The following BMP1 variants were observed in gnomAD, a reference collection of about 807,000 sequenced individuals.
BMP1 encodes the protein bone morphogenetic protein 1.
BMP1 carries 63 observed loss-of-function variants against 116.8 expected under a neutral mutation model. The observed-to-expected ratio is 0.54, with a 90% CI of 0.44 to 0.67. The LOEUF is 0.67. Among genes scored for constraint, BMP1 ranks in the 30% least tolerant of loss-of-function variants. BMP1 has a pLI of 0.00. For synonymous variants in BMP1, 536 were observed against 533.4 expected, an observed-to-expected ratio of 1.00 and a Z score of -0.07; for missense variants, 1,183 against 1,358.9, an observed-to-expected ratio of 0.87 and a Z score of 2.04.
chr8:22,172,581 T>C (rs1482689230), intron 1 of BMP1, among the ~76,000 whole-genome samples: 1 of 150,408 alleles, frequency 6.6e-6, no homozygotes, highest in Non-Finnish European at 1.5e-5. Context: ...TCTGTTCTAA[T>C]GAAAAATGGT....
chr8:22,176,888 G>T, intron 4 of BMP1, 73 bp from the exon 5 acceptor site: 1 of 1,230,734 alleles, frequency 8.1e-7, no homozygotes, highest in Non-Finnish European at 1.1e-6. Flanking sequence ...GCCCCCGGCA[G>T]CCTGGCCCCG....
At chr8:22,196,654 C>T (rs371342006) in intron 13 of BMP1, 26 bp from the exon 14 acceptor site, 169 of 1,613,350 alleles carry the variant, frequency 1.0e-4, no homozygotes, top group Non-Finnish European at 1.4e-4. Context: ...TCCCCGCAGA[C>T]GATGCCACCT....
rs775295740 is a variant in BMP1 at position 22,209,664 on chromosome 8, C to T, written c.2795C>T (p.Ala932Val). The T allele has an allele frequency of 6.2e-7, 1 of 1,613,972 alleles. No individual in the cohort carries two copies. The highest frequency in any genetic ancestry group is 2.2e-5 in the East Asian group (1 of 44,844). ...CTCTTCGACGGCTACGACAGCACAG[C>T]CCCCAGGCTGGGGCGCTACTGTGGC... ...MELFDGYDST[A>V]PRLGRYCGSG... Residue 932 changes from alanine (A) to valine (V), a missense_variant, in exon 19 of 20, where the codon GCC becomes GTC. Transcript: ENST00000306385.
At chr8:22,187,638 C>A (rs561382107) in intron 8 of BMP1, among the ~76,000 whole-genome samples, 1 of 151,600 alleles carries the variant, frequency 6.6e-6, no homozygotes, top group Non-Finnish European at 1.5e-5. Context: ...TGTGAGCCAC[C>A]GTGCCCGGCC....
chr8:22,169,777 G>A (rs997806264), intron 1 of BMP1: 1 of 152,188 alleles, frequency 6.6e-6, no homozygotes, highest in African/African-American at 2.4e-5. Context: ...CCATGCCCTG[G>A]GGGAGGAGAC....
intron 18 of BMP1, among the ~76,000 whole-genome samples, chr8:22,208,548 C>G (rs183191844): frequency 1.3e-5 from 2 of 152,332 alleles, no homozygotes; most frequent in African/African-American, 2.4e-5. Context: ...GGGGAGGTGC[C>G]CAGGCAGAGA....
intron 18 of BMP1, among the ~76,000 whole-genome samples, 198 bp from the exon 19 acceptor site, chr8:22,209,247 G>C (rs184621740): frequency 1.5e-4 from 23 of 152,280 alleles, no homozygotes; most frequent in African/African-American, 5.5e-4. Flanking sequence ...GTTCCCCTCA[G>C]CCTAGGGCCA....
At chr8:22,166,918 G>A (rs1245182214) in intron 1 of BMP1, among the ~76,000 whole-genome samples, 1 of 152,194 alleles carries the variant, frequency 6.6e-6, no homozygotes. Flanking sequence ...TTTCAATCCT[G>A]ACCCTGCTAC....
intron 8 of BMP1, among the ~76,000 whole-genome samples, chr8:22,189,985 A>G (rs932726222): frequency 3.9e-5 from 6 of 152,064 alleles, no homozygotes; most frequent in African/African-American, 1.2e-4. Context: ...CAGTGGCATG[A>G]TCTAGGCTCA....
intron 8 of BMP1, among the ~76,000 whole-genome samples, chr8:22,187,328 AATTT>A (rs919044412): frequency 4.8e-5 from 7 of 145,926 alleles, no homozygotes; most frequent in East Asian, 2.0e-4. Context: ...TTAATTAATT[AATTT>A]ATTTATTTAT....
intron 5 of BMP1, 56 bp downstream of exon 5, chr8:22,177,195 C>T: frequency 2.7e-6 from 4 of 1,496,002 alleles, no homozygotes; most frequent in Non-Finnish European, 3.6e-6. Context: ...CCAGCCCCCA[C>T]CTCCAGGACC....
At position 22,177,482 on chromosome 8, in the gene BMP1, T is replaced by C. The variant is rs1325282908; in HGVS notation, c.730+343T>C. 5 of 702,486 alleles carry C rather than the reference T, an allele frequency of 7.1e-6. No homozygotes were observed. In the African/African-American group the frequency reaches 8.6e-5, roughly 12 times the overall value. 43.5% of individuals were successfully genotyped at this position (702,486 alleles called of 1,614,324 possible). A position where few individuals can be genotyped will look rare whatever the true frequency, so the allele number is the denominator to read the frequency against. On this transcript the variant is annotated intron_variant, in intron 5 of 19. Coordinates refer to ENST00000306385, the MANE Select transcript of BMP1 (RefSeq NM_006129.5). ...CCCCACCTTTGCCCACTATCTGCCC[T>C]CTGCCTGGTCTGCCCTCCGAGGGCT...
chr8:22,193,393 T>C (rs539097135), intron 9 of BMP1, among the ~76,000 whole-genome samples: 26 of 152,374 alleles, frequency 1.7e-4, no homozygotes, highest in Admixed American at 9.1e-4. Flanking sequence ...TTATTTGGTC[T>C]CTTCTTTGCA....
intron 15 of BMP1, among the ~76,000 whole-genome samples, chr8:22,200,279 G>A (rs937407708): frequency 6.6e-6 from 1 of 152,196 alleles, no homozygotes; most frequent in African/African-American, 2.4e-5. Context: ...CGTGGCCGTT[G>A]CTCCTCTGTG....
intron 8 of BMP1, among the ~76,000 whole-genome samples, chr8:22,189,954 T>C (rs1828884004): frequency 6.6e-6 from 1 of 152,202 alleles, no homozygotes; most frequent in Non-Finnish European, 1.5e-5. Context: ...AGAGTCTTCC[T>C]CTGTCACCCA....
In BMP1 at chr8:22,177,061, G is replaced by A; in HGVS notation, c.652G>A (p.Val218Ile). 1.2e-6 allele frequency: 2 copies of A among 1,612,554 alleles called. No homozygotes were observed. Among genetic ancestry groups the A allele is most frequent in the Non-Finnish European group, 1.7e-6 (2 of 1,179,408 alleles). Residue 218 changes from valine to isoleucine, a missense_variant, in exon 5 of 20, where the codon GTC becomes ATC. Coordinates refer to ENST00000306385, the MANE Select transcript of BMP1 (RefSeq NM_006129.5). ...FGIVVHELGHVVGFWHEHTRP... is the reference protein window; with the variant it reads ...FGIVVHELGHIVGFWHEHTRP... ...CATTGTGGTCCACGAGCTGGGCCAC[G>A]TCGTCGGCTTCTGGCACGAACACAC...
At chr8:22,180,302 G>C in intron 7 of BMP1, 66 bp from the exon 8 acceptor site, 1 of 1,319,056 alleles carries the variant, frequency 7.6e-7, no homozygotes, top group Non-Finnish European at 1.1e-6. Context: ...GTTCAGGGGT[G>C]GGTGAGCCAG....
chr8:22,176,477 G>A (rs1828437949), intron 3 of BMP1, 56 bp from the exon 4 acceptor site: 1 of 1,586,894 alleles, frequency 6.3e-7, no homozygotes, highest in Admixed American at 1.7e-5. Flanking sequence ...TCAGTGGTGG[G>A]TAGGGGGTGG....
rs752336261 is a variant in BMP1, at chr8:22,207,478, C to G, written c.2537C>G (p.Ser846Trp). 1.9e-6 allele frequency: 3 copies of G among 1,613,828 alleles called. No homozygotes were observed. The Admixed American group carries it at 5.0e-5, about 27-fold the overall frequency. The stretch of plus-strand genomic sequence containing the variant: ...TTCCTGCGCTTCTACTCAGATAACT[C>G]GGTCCAGCGAAAGGGCTTCCAGGCC... ...RMFLRFYSDNSVQRKGFQASH... is the reference protein window; with the variant it reads ...RMFLRFYSDNWVQRKGFQASH... The change falls in exon 18 of 20, where the codon TCG becomes TGG. Residue 846 changes from serine to tryptophan, a missense_variant. Coordinates refer to ENST00000306385, the MANE Select transcript of BMP1 (RefSeq NM_006129.5).
Sources: gnomAD v4.1 joint callset for allele counts (sites outside exome capture counted in the v4.1 genomes callset) on GRCh38, gnomAD v4.1.1 for gene constraint, MANE v1.5 for transcripts, NCBI Gene and HGNC (gene_info 2026-07-23, HGNC 2026-07-21) for gene names.